Variants in NFIC observed in about 807,000 individuals in gnomAD.
NFIC encodes the protein nuclear factor I C.
A neutral mutation model predicts 54.4 loss-of-function variants in NFIC; 12 were observed. The ratio of observed to expected loss-of-function variants is 0.22; its 90% CI spans 0.14 to 0.36. The LOEUF is 0.36. Among genes scored for constraint, NFIC ranks in the 10% least tolerant of loss-of-function variants. The pLI is 1.00. For missense variants in NFIC, 575 were observed against 718.2 expected, an observed-to-expected ratio of 0.80 and a Z score of 2.28; for synonymous variants, 322 against 319.2, an observed-to-expected ratio of 1.01 and a Z score of -0.09.
Position 3,370,420 on chromosome 19 carries a change from C to T in NFIC, c.30+3754C>T, listed in dbSNP as rs1469720852. On this transcript the variant is annotated intron_variant, in intron 1 of 10. Coordinates refer to ENST00000443272, the MANE Select transcript of NFIC (RefSeq NM_001245002.2). The surrounding 1 kb of genome is among the most constrained non-coding windows in gnomAD (Gnocchi z 5.2). Reference sequence around the variant, plus strand: ...TCTCTGCGGCGGAGGTGCCTCTGCGCGCCAGGGCCAAGCGCCCTGTAAATC... The same window carrying T: ...TCTCTGCGGCGGAGGTGCCTCTGCGTGCCAGGGCCAAGCGCCCTGTAAATC... Among the ~76,000 whole-genome samples, 1 of 151,902 alleles carries T rather than the reference C, an allele frequency of 6.6e-6. No individual in the cohort carries two copies. Among genetic ancestry groups the T allele is most frequent in the South Asian group, 2.1e-4 (1 of 4,814 alleles).
chr19:3,366,571 GA>G, upstream of NFIC: 5 of 1,094,060 alleles, frequency 4.6e-6, no homozygotes, highest in Non-Finnish European at 6.5e-6. Context: ...GGGTGGTTTG[GA>G]AAAATGACTC....
intron 1 of NFIC, among the ~76,000 whole-genome samples, chr19:3,368,893 C>G (rs1326766873): frequency 1.4e-5 from 2 of 148,116 alleles, no homozygotes; most frequent in African/African-American, 2.5e-5. Flanking sequence ...TTCTCTCTTT[C>G]TCTCTGTCTT....
At chr19:3,363,578 GAT>G (rs1336005254), upstream of NFIC, among the ~76,000 whole-genome samples, 8 of 148,532 alleles carry the variant, frequency 5.4e-5, no homozygotes, top group African/African-American at 1.0e-4. Context: ...GGCCAAAGGA[GAT>G]ATGTGTGTGT....
At chr19:3,420,176 C>T (rs541875127) in intron 2 of NFIC, among the ~76,000 whole-genome samples, 2 of 152,128 alleles carry the variant, frequency 1.3e-5, no homozygotes, top group Admixed American at 6.6e-5. Context: ...CAAAAATTAG[C>T]CAGATGTGGT....
At chr19:3,368,262 C>T (rs951348834) in intron 1 of NFIC, among the ~76,000 whole-genome samples, 2 of 152,124 alleles carry the variant, frequency 1.3e-5, no homozygotes, top group African/African-American at 2.4e-5. Context: ...CTGTTCCAGG[C>T]TGGGGAGGTT....
intron 1 of NFIC, among the ~76,000 whole-genome samples, chr19:3,381,108 C>T (rs993328854): frequency 1.3e-5 from 2 of 152,114 alleles, no homozygotes; most frequent in Non-Finnish European, 2.9e-5. Flanking sequence ...AGGTCCTCCA[C>T]GGCTGGGCAT....
chr19:3,363,261 A>ATTTT (rs1568391895), upstream of NFIC, among the ~76,000 whole-genome samples: 3 of 64,748 alleles, frequency 4.6e-5, no homozygotes, highest in African/African-American at 2.3e-4. Flanking sequence ...ATATATATAT[A>ATTTT]TATATATATT....
chr19:3,368,635 G>A (rs934886508), intron 1 of NFIC, among the ~76,000 whole-genome samples: 5 of 151,988 alleles, frequency 3.3e-5, no homozygotes, highest in Admixed American at 1.3e-4. Flanking sequence ...TCTCTGCCCC[G>A]CCCTCCACCC....
intron 3 of NFIC, among the ~76,000 whole-genome samples, chr19:3,429,275 CA>C (rs2082083464): frequency 7.0e-6 from 1 of 142,504 alleles, no homozygotes; most frequent in Non-Finnish European, 1.5e-5. Flanking sequence ...CACACACACA[CA>C]CACACACACA....
At chr19:3,413,402 A>G (rs954566746) in intron 2 of NFIC, among the ~76,000 whole-genome samples, 3 of 152,128 alleles carry the variant, frequency 2.0e-5, no homozygotes, top group African/African-American at 7.2e-5. Context: ...GCAAAGGCTC[A>G]ACTGTGAGAT....
chr19:3,433,775 C>T (rs1048978032), intron 4 of NFIC, among the ~76,000 whole-genome samples, 183 bp downstream of exon 4: 4 of 152,114 alleles, frequency 2.6e-5, no homozygotes, highest in African/African-American at 9.7e-5. Flanking sequence ...AGGGCTCCCT[C>T]CCACCTCTCC....
intron 2 of NFIC, among the ~76,000 whole-genome samples, chr19:3,417,624 C>CTTT (rs757954619): frequency 1.3e-4 from 16 of 121,630 alleles, no homozygotes; most frequent in African/African-American, 2.3e-4. Context: ...TTTTTCTTTT[C>CTTT]TTTTTTTTTT....
intron 2 of NFIC, among the ~76,000 whole-genome samples, chr19:3,389,764 C>T (rs544569235): frequency 2.0e-5 from 3 of 152,260 alleles, no homozygotes; most frequent in African/African-American, 7.2e-5. Context: ...GGGTGGATCA[C>T]CTGAGGTCGG....
At chr19:3,402,910 C>T (rs927733496) in intron 2 of NFIC, among the ~76,000 whole-genome samples, 4 of 152,084 alleles carry the variant, frequency 2.6e-5, no homozygotes, top group Non-Finnish European at 5.9e-5. Flanking sequence ...GGGCAGAAAG[C>T]GGACAGGACA....
At chr19:3,391,913 G>A (rs528247120) in intron 2 of NFIC, among the ~76,000 whole-genome samples, 10 of 152,128 alleles carry the variant, frequency 6.6e-5, no homozygotes, top group Admixed American at 1.3e-4. Context: ...TATTATTGTC[G>A]TTATCATGAT....
chr19:3,439,512 G>A (rs1345511215), intron 6 of NFIC, among the ~76,000 whole-genome samples: 1 of 149,896 alleles, frequency 6.7e-6, no homozygotes, highest in Non-Finnish European at 1.5e-5. Flanking sequence ...TGTGGTGGTG[G>A]GCACCTGTAA....
At position 3,415,279 on chromosome 19, in the gene NFIC, A is replaced by ATT. The variant is rs925227846; in HGVS notation, c.563-9816_563-9815dup. Among the ~76,000 whole-genome samples, 567 of 144,684 alleles carry ATT rather than the reference A, an allele frequency of 3.9e-3. 3 individuals carry two copies. The highest frequency in any genetic ancestry group is 0.014 in the African/African-American group (545 of 39,558). 94.9% of individuals were successfully genotyped at this position (144,684 alleles called of 152,430 possible). On this transcript the variant is annotated intron_variant, in intron 2 of 10. Coordinates refer to ENST00000443272, the MANE Select transcript of NFIC (RefSeq NM_001245002.2). Reference sequence around the variant, plus strand: ...GGGTGCATGCCAGCACACCCAGCTAATTTTTTTTTTTTGGTACTTTTAGTA... The same window carrying ATT: ...GGGTGCATGCCAGCACACCCAGCTAATTTTTTTTTTTTTTGGTACTTTTAGTA...
At chr19:3,447,727 C>T (rs2082394042) in intron 6 of NFIC, among the ~76,000 whole-genome samples, 2 of 152,174 alleles carry the variant, frequency 1.3e-5, no homozygotes, top group South Asian at 2.1e-4. Flanking sequence ...AAGGGGTAGA[C>T]GTGGCAGCTC....
chr19:3,400,589 C>T (rs2081539614), intron 2 of NFIC, among the ~76,000 whole-genome samples: 1 of 152,164 alleles, frequency 6.6e-6, no homozygotes, highest in African/African-American at 2.4e-5. Flanking sequence ...GCCTGTCATC[C>T]CAGCACTGTG....
Sources: gnomAD v4.1 joint callset for allele counts (sites outside exome capture counted in the v4.1 genomes callset) on GRCh38, gnomAD v4.1.1 for gene constraint, Gnocchi (gnomAD v3.1) non-coding constraint, MANE v1.5 for transcripts, NCBI Gene and HGNC (gene_info 2026-07-23, HGNC 2026-07-21) for gene names.